PCDH9: variants seen among roughly 807,000 people sequenced by gnomAD.
PCDH9 encodes the protein protocadherin-9.
PCDH9 carries 24 observed loss-of-function variants against 70.6 expected under a neutral mutation model. That is an observed-to-expected ratio of 0.34 (90% CI 0.25 to 0.48). The LOEUF is 0.48. Ranked by LOEUF, PCDH9 falls within the 20% of genes least tolerant of loss-of-function variation. PCDH9 has a pLI of 0.99. For synonymous variants in PCDH9, 562 were observed against 558.5 expected (o/e 1.01, Z -0.09); for missense variants, 1,281 against 1,503.6 (o/e 0.85, Z 2.45).
At chr13:66,888,244 C>CA (rs2082040158) in intron 3 of PCDH9, among the ~76,000 whole-genome samples, 1 of 152,138 alleles carries the variant, frequency 6.6e-6, no homozygotes, top group East Asian at 1.9e-4. Context: ...CCTATGATAG[C>CA]AGCTCTTTGA....
rs79893576 is a variant in PCDH9 at position 66,887,708 on chromosome 13, A to C, written c.3138+15796T>G. 8.0e-3 allele frequency among the ~76,000 whole-genome samples: 1,226 copies of C among 152,326 alleles called. 16 individuals are homozygous for C. The highest frequency in any genetic ancestry group is 0.028 in the African/African-American group (1,144 of 41,576). On this transcript the variant is annotated intron_variant, in intron 3 of 4. Coordinates refer to ENST00000377865, the MANE Select transcript of PCDH9 (RefSeq NM_203487.3). Reference sequence around the variant, plus strand: ...AAATATGTTATAGAATATTGCTGAGATCTTCCATTCATATCTTTATTTCAC... The same window carrying C: ...AAATATGTTATAGAATATTGCTGAGCTCTTCCATTCATATCTTTATTTCAC...
At chr13:67,040,397 C>A (rs1313584290) in intron 2 of PCDH9, among the ~76,000 whole-genome samples, 1 of 152,120 alleles carries the variant, frequency 6.6e-6, no homozygotes, top group African/African-American at 2.4e-5. Flanking sequence ...ACTGTGTGAG[C>A]CCAGGAGTTC....
At chr13:66,856,407 G>C (rs2081395285) in intron 3 of PCDH9, among the ~76,000 whole-genome samples, 1 of 151,950 alleles carries the variant, frequency 6.6e-6, no homozygotes, top group Non-Finnish European at 1.5e-5. Flanking sequence ...GTAATAATTA[G>C]TTTCTCTGAT....
intron 3 of PCDH9, among the ~76,000 whole-genome samples, chr13:66,888,817 T>G (rs1213839882): frequency 6.6e-6 from 1 of 152,186 alleles, no homozygotes; most frequent in African/African-American, 2.4e-5. Context: ...GCACAGAGCT[T>G]GTGAGCTTTC....
intron 2 of PCDH9, among the ~76,000 whole-genome samples, chr13:66,965,583 A>G (rs761334184): frequency 6.6e-6 from 1 of 151,986 alleles, no homozygotes; most frequent in Non-Finnish European, 1.5e-5. Flanking sequence ...CTTTTCTTTT[A>G]TTTATATTAA....
chr13:67,095,493 A>G (rs2086301537), intron 2 of PCDH9, among the ~76,000 whole-genome samples: 1 of 152,218 alleles, frequency 6.6e-6, no homozygotes, highest in African/African-American at 2.4e-5. Flanking sequence ...CCATGATGAC[A>G]TCTTCTCCTT....
At chr13:66,627,366 C>T (rs191701578) in intron 4 of PCDH9, among the ~76,000 whole-genome samples, 251 of 152,136 alleles carry the variant, frequency 1.6e-3, no homozygotes, top group African/African-American at 5.7e-3. Context: ...ATCACTGTAC[C>T]TCACTTCACA....
At chr13:67,193,169 T>C (rs2088963921) in intron 2 of PCDH9, among the ~76,000 whole-genome samples, 1 of 152,170 alleles carries the variant, frequency 6.6e-6, no homozygotes, top group African/African-American at 2.4e-5. Flanking sequence ...GTCTTGACTG[T>C]ACCCAGGACA....
intron 2 of PCDH9, among the ~76,000 whole-genome samples, chr13:67,137,141 T>TATC (rs2087252530): frequency 6.6e-6 from 1 of 151,876 alleles, no homozygotes; most frequent in Non-Finnish European, 1.5e-5. Flanking sequence ...AAAAGAAAAT[T>TATC]ATCTATATTT....
intron 2 of PCDH9, among the ~76,000 whole-genome samples, chr13:67,006,958 CTTT>C (rs2084366137): frequency 6.6e-6 from 1 of 152,026 alleles, no homozygotes; most frequent in African/African-American, 2.4e-5. Flanking sequence ...AAGGAAAATA[CTTT>C]TTTAAAGAAC....
At chr13:66,382,339 G>T (rs1193857161) in intron 4 of PCDH9, among the ~76,000 whole-genome samples, 1 of 152,084 alleles carries the variant, frequency 6.6e-6, no homozygotes, top group African/African-American at 2.4e-5. Context: ...AAAGATATCT[G>T]ATGAGACCTA....
chr13:66,677,121 T>G (rs2078254388), intron 3 of PCDH9, among the ~76,000 whole-genome samples: 1 of 152,062 alleles, frequency 6.6e-6, no homozygotes, highest in African/African-American at 2.4e-5. Context: ...AGAGTACCTG[T>G]CATCCTAACT....
chr13:66,338,585 T>C (rs879841318), intron 4 of PCDH9, among the ~76,000 whole-genome samples: 4 of 151,942 alleles, frequency 2.6e-5, no homozygotes, highest in Non-Finnish European at 2.9e-5. Flanking sequence ...TTACACTCAA[T>C]GGCAGATGAA....
intron 4 of PCDH9, among the ~76,000 whole-genome samples, chr13:66,459,868 A>G (rs1958390161): frequency 6.6e-6 from 1 of 151,952 alleles, no homozygotes; most frequent in South Asian, 2.1e-4. Flanking sequence ...AATCATACAC[A>G]GCTCATAACA....
intron 2 of PCDH9, among the ~76,000 whole-genome samples, chr13:67,106,872 C>G (rs1194196350): frequency 6.6e-6 from 1 of 152,204 alleles, no homozygotes; most frequent in African/African-American, 2.4e-5. Flanking sequence ...CAACACAGCC[C>G]TGTGTGTGGG....
chr13:66,730,876 G>GTGTTTTTTTTTT (rs1555262846), intron 3 of PCDH9, among the ~76,000 whole-genome samples: 15 of 46,356 alleles, frequency 3.2e-4, no homozygotes, highest in African/African-American at 9.8e-4. Context: ...GTGTGTGTGT[G>GTGTTTTTTTTTT]TTTTTTTTTT....
At chr13:67,167,489 G>A (rs1433228314) in intron 2 of PCDH9, among the ~76,000 whole-genome samples, 1 of 152,078 alleles carries the variant, frequency 6.6e-6, no homozygotes, top group African/African-American at 2.4e-5. Context: ...AAAGTTTGAT[G>A]AAGCCACTTT....
intron 2 of PCDH9, among the ~76,000 whole-genome samples, chr13:67,114,692 A>G (rs1420845340): frequency 2.6e-5 from 4 of 152,344 alleles, no homozygotes; most frequent in East Asian, 1.9e-4. Context: ...ACAGTCCTCT[A>G]TGTAACAGTC....
chr13:66,935,505 G>GTATTTCTTCAAT (rs2082901415), intron 2 of PCDH9, among the ~76,000 whole-genome samples: 3 of 152,244 alleles, frequency 2.0e-5, no homozygotes, highest in African/African-American at 7.2e-5. Flanking sequence ...GTGATACAAT[G>GTATTTCTTCAAT]TGCAAATAAA....
Sources: gnomAD v4.1 joint callset for allele counts (sites outside exome capture counted in the v4.1 genomes callset) on GRCh38, gnomAD v4.1.1 for gene constraint, MANE v1.5 for transcripts, NCBI Gene and HGNC (gene_info 2026-07-23, HGNC 2026-07-21) for gene names.